Variants in RIC8B observed in about 807,000 individuals in gnomAD.
RIC8B encodes chaperone Ric-8B.
In RIC8B, 16 loss-of-function variants were observed where a neutral mutation model predicts 57.5. The ratio of observed to expected loss-of-function variants is 0.28; its 90% CI spans 0.19 to 0.42. The LOEUF (loss-of-function observed/expected upper bound fraction) is 0.42, where lower values mean the gene tolerates loss of function less well. RIC8B is among the 10% of genes least tolerant of loss of function. The pLI is 1.00. For missense variants in RIC8B, 481 were observed against 677.0 expected (o/e 0.71, Z 3.21); for synonymous variants, 216 against 250.8 (o/e 0.86, Z 1.31).
chr12:106,844,098 A>G (rs1205721591), intron 6 of RIC8B, 151 bp downstream of exon 6: 1 of 653,152 alleles, frequency 1.5e-6, no homozygotes, highest in African/African-American at 1.8e-5. Flanking sequence ...AGAAGTGTGT[A>G]TTTTTTGAGT....
chr12:106,834,983 CAAAAAA>C (rs71072695), intron 4 of RIC8B, among the ~76,000 whole-genome samples: 528 of 31,276 alleles, frequency 0.017, 3 homozygotes, highest in African/African-American at 0.061. Flanking sequence ...GACTCTGTCT[CAAAAAA>C]AAAAAAAAAA....
At chr12:106,819,360 A>G (rs867724880) in intron 3 of RIC8B, among the ~76,000 whole-genome samples, 5 of 152,194 alleles carry the variant, frequency 3.3e-5, no homozygotes, top group South Asian at 2.1e-4. Context: ...CTTGGGGGAT[A>G]AAAAGGGTTC....
chr12:106,824,377 A>T (rs2045995317), intron 3 of RIC8B, among the ~76,000 whole-genome samples: 1 of 152,156 alleles, frequency 6.6e-6, no homozygotes, highest in Admixed American at 6.5e-5. Context: ...TATTTCAGTT[A>T]GGCCACTGAG....
intron 2 of RIC8B, among the ~76,000 whole-genome samples, chr12:106,812,099 A>C (rs2136276145): frequency 6.6e-6 from 1 of 152,304 alleles, no homozygotes. Flanking sequence ...GTCGTTGTCC[A>C]AAAAGTGGTA....
chr12:106,852,275 A>G (rs1164382204), intron 7 of RIC8B, among the ~76,000 whole-genome samples: 1 of 152,230 alleles, frequency 6.6e-6, no homozygotes, highest in African/African-American at 2.4e-5. Flanking sequence ...TTGATTATTC[A>G]GTTATTCCTA....
intron 3 of RIC8B, among the ~76,000 whole-genome samples, chr12:106,825,021 G>A (rs2046032848): frequency 2.0e-5 from 3 of 152,134 alleles, no homozygotes; most frequent in Non-Finnish European, 2.9e-5. Flanking sequence ...AATTTCATGT[G>A]TCTTCTTAAT....
chr12:106,813,087 G>A (rs944947955), intron 2 of RIC8B, among the ~76,000 whole-genome samples: 2 of 151,026 alleles, frequency 1.3e-5, no homozygotes, highest in African/African-American at 4.9e-5. Flanking sequence ...ATAATAAAAC[G>A]ATTTACGTAG....
At chr12:106,854,079 G>C (rs1457002168) in intron 7 of RIC8B, among the ~76,000 whole-genome samples, 1 of 152,056 alleles carries the variant, frequency 6.6e-6, no homozygotes, top group Non-Finnish European at 1.5e-5. Context: ...AGGGACTATG[G>C]GAGATTATAA....
intron 2 of RIC8B, among the ~76,000 whole-genome samples, chr12:106,796,100 G>A (rs1041286503): frequency 3.3e-5 from 5 of 152,136 alleles, no homozygotes; most frequent in East Asian, 1.9e-4. Context: ...CAGATTCAAC[G>A]CAATACCTTT....
chr12:106,853,172 T>C (rs1313945812), intron 7 of RIC8B, among the ~76,000 whole-genome samples: 5 of 152,178 alleles, frequency 3.3e-5, no homozygotes, highest in Admixed American at 2.0e-4. Context: ...ATTTCTCCTG[T>C]AATTACACAC....
At position 106,886,706 on chromosome 12, in the gene RIC8B, C is replaced by G. The variant is rs1951197413; in HGVS notation, c.*691C>G. Reference sequence around the variant, plus strand: ...AATGCCTATTTATTCCCTAATGTACCTGAACACTAGTACCATAGAACTGAA... The same window carrying G: ...AATGCCTATTTATTCCCTAATGTACGTGAACACTAGTACCATAGAACTGAA... On this transcript the variant is annotated 3_prime_UTR_variant, in exon 10 of 10. Transcript: ENST00000392837. 1 of 152,558 alleles carries G rather than the reference C, an allele frequency of 6.6e-6. No homozygotes were observed. Among genetic ancestry groups the G allele is most frequent in the African/African-American group, 2.4e-5 (1 of 41,422 alleles). 9.5% of individuals were successfully genotyped at this position (152,558 alleles called of 1,614,324 possible).
chr12:106,818,051 A>G (rs1281500393), intron 3 of RIC8B, among the ~76,000 whole-genome samples: 5 of 152,190 alleles, frequency 3.3e-5, no homozygotes. Context: ...TAAAATAAAC[A>G]TTTTTTTCCT....
At chr12:106,793,739 A>G (rs376457184) in intron 2 of RIC8B, among the ~76,000 whole-genome samples, 13 of 152,324 alleles carry the variant, frequency 8.5e-5, no homozygotes, top group African/African-American at 3.1e-4. Flanking sequence ...GACATACCCA[A>G]TGGTGTGCCC....
chr12:106,804,087 G>A (rs1286788473), intron 2 of RIC8B, among the ~76,000 whole-genome samples: 1 of 152,266 alleles, frequency 6.6e-6, no homozygotes, highest in African/African-American at 2.4e-5. Flanking sequence ...AATACTGTAT[G>A]TGGCATGTGT....
intron 3 of RIC8B, among the ~76,000 whole-genome samples, chr12:106,822,077 C>CAAAAAAAAAAAAAAAAAAAAAA (rs67378158): frequency 1.0e-3 from 38 of 38,034 alleles, no homozygotes; most frequent in African/African-American, 1.3e-3. Context: ...GACTCCATCT[C>CAAAAAAAAAAAAAAAAAAAAAA]AAAAAAAAAA....
rs1331213193 is a variant in RIC8B, at chr12:106,888,305, A to G, written c.*2290A>G. The G allele has an allele frequency of 6.6e-6, 1 of 152,258 alleles. No homozygotes were observed. The highest frequency in any genetic ancestry group is 1.5e-5 in the Non-Finnish European group (1 of 68,052). The allele number at this position is 152,258 out of a possible 1,614,324, so 9.4% of individuals were successfully genotyped here. A position where few individuals can be genotyped will look rare whatever the true frequency, so the allele number is the denominator to read the frequency against. ...GAAAAGAGAGTTTGCGGGGAAGAAG[A>G]TGAGAGTGTCTTCATCTGGCACACA... is the stretch of plus-strand genomic sequence containing the variant. On this transcript the variant is annotated 3_prime_UTR_variant, in exon 10 of 10. Transcript: ENST00000392837.
At chr12:106,845,244 A>G (rs1006554865) in intron 6 of RIC8B, among the ~76,000 whole-genome samples, 1 of 152,170 alleles carries the variant, frequency 6.6e-6, no homozygotes, top group Non-Finnish European at 1.5e-5. Context: ...AAAATGACAC[A>G]ACCATTTTGA....
At chr12:106,786,369 T>C (rs959663855) in intron 2 of RIC8B, among the ~76,000 whole-genome samples, 2 of 152,040 alleles carry the variant, frequency 1.3e-5, no homozygotes, top group African/African-American at 4.8e-5. Context: ...CAGGATGGTC[T>C]CAATCTCCTG....
Position 106,870,807 on chromosome 12 carries a change from T to G in RIC8B, c.1452-16T>G. The G allele has an allele frequency of 6.7e-7, 1 of 1,492,308 alleles. No individual in the cohort carries two copies. The highest frequency in any genetic ancestry group is 2.5e-5 in the Admixed American group (1 of 40,400). The allele number at this position is 1,492,308 out of a possible 1,614,324, so 92.4% of individuals were successfully genotyped here. ...AATTTTAAAACATACAGCATAACTTTTTTTTCTTTTTGTAGCATTAATCTT... is the reference window on the plus strand; with the variant it reads ...AATTTTAAAACATACAGCATAACTTGTTTTTCTTTTTGTAGCATTAATCTT... On this transcript the variant is annotated splice_polypyrimidine_tract_variant and intron_variant, in intron 8 of 9. Transcript: ENST00000392837.
Sources: gnomAD v4.1 joint callset for allele counts (sites outside exome capture counted in the v4.1 genomes callset) on GRCh38, gnomAD v4.1.1 for gene constraint, MANE v1.5 for transcripts, NCBI Gene and HGNC (gene_info 2026-07-23, HGNC 2026-07-21) for gene names.